Variants in GPR176 observed in about 807,000 individuals in gnomAD.
GPR176 encodes the protein G-protein coupled receptor 176.
In GPR176, 26 loss-of-function variants were observed where a neutral mutation model predicts 35.4. The ratio of observed to expected loss-of-function variants is 0.74; its 90% CI spans 0.54 to 1.02. The LOEUF (loss-of-function observed/expected upper bound fraction) is 1.02, where lower values mean the gene tolerates loss of function less well. GPR176 is among the 50% of genes least tolerant of loss of function. The pLI is 0.00. For missense variants in GPR176, 597 were observed against 665.3 expected (o/e 0.90, Z 1.13); for synonymous variants, 278 against 271.3 (o/e 1.02, Z -0.24).
At chr15:39,898,440 A>C (rs1270023526) in intron 1 of GPR176, among the ~76,000 whole-genome samples, 2 of 152,238 alleles carry the variant, frequency 1.3e-5, no homozygotes, top group Admixed American at 1.3e-4. Context: ...AATACATATA[A>C]GCAAAGAAAG....
chr15:39,884,735 C>A (rs561369893), intron 1 of GPR176, among the ~76,000 whole-genome samples: 1 of 152,136 alleles, frequency 6.6e-6, no homozygotes, highest in East Asian at 1.9e-4. Flanking sequence ...AAAAGACATG[C>A]CCCAGCTTTT....
intron 1 of GPR176, among the ~76,000 whole-genome samples, chr15:39,826,035 T>C (rs1374269555): frequency 6.6e-6 from 1 of 152,116 alleles, no homozygotes; most frequent in Admixed American, 6.6e-5. Flanking sequence ...TCACATCACA[T>C]TCACTGCCGT....
intron 2 of GPR176, among the ~76,000 whole-genome samples, chr15:39,806,431 G>A (rs191602007): frequency 9.9e-5 from 15 of 152,268 alleles, no homozygotes; most frequent in Admixed American, 7.8e-4. Context: ...TATGTAGAAT[G>A]GCAGTAACTA....
intron 1 of GPR176, chr15:39,862,125 T>A (rs1350963312): frequency 6.6e-6 from 1 of 152,198 alleles, no homozygotes; most frequent in Admixed American, 6.5e-5. Flanking sequence ...ACTCTCAGTG[T>A]TTGGTTGTTT....
At chr15:39,842,376 CT>C (rs757761106) in intron 1 of GPR176, among the ~76,000 whole-genome samples, 42 of 152,210 alleles carry the variant, frequency 2.8e-4, no homozygotes, top group Non-Finnish European at 1.0e-4. Flanking sequence ...GCGGATGGTG[CT>C]AAACCATTAG....
At chr15:39,815,226 G>A (rs970101502) in intron 1 of GPR176, 3 of 152,420 alleles carry the variant, frequency 2.0e-5, no homozygotes, top group South Asian at 2.1e-4. Flanking sequence ...GGGAGACAGA[G>A]GGCCTTGGGA....
At chr15:39,854,832 T>C (rs1165841284) in intron 1 of GPR176, among the ~76,000 whole-genome samples, 1 of 151,950 alleles carries the variant, frequency 6.6e-6, no homozygotes, top group Admixed American at 6.6e-5. Context: ...AGGCCAATAG[T>C]TCAAGACCAG....
chr15:39,907,112 T>A (rs918650859), intron 1 of GPR176, among the ~76,000 whole-genome samples: 2 of 152,208 alleles, frequency 1.3e-5, no homozygotes, highest in African/African-American at 4.8e-5. Flanking sequence ...AAGCCAGCCA[T>A]AAGACGCATC....
intron 1 of GPR176, among the ~76,000 whole-genome samples, chr15:39,904,981 C>T (rs2033379800): frequency 6.6e-6 from 1 of 152,192 alleles, no homozygotes; most frequent in Admixed American, 6.5e-5. Context: ...CCATCAGCAT[C>T]ATGTAAGCCT....
chr15:39,841,215 G>C (rs908866956), intron 1 of GPR176, among the ~76,000 whole-genome samples: 2 of 152,082 alleles, frequency 1.3e-5, no homozygotes, highest in African/African-American at 2.4e-5. Context: ...GCCCATTAAG[G>C]CTTGACAATG....
At chr15:39,854,004 T>C (rs2031044122) in intron 1 of GPR176, among the ~76,000 whole-genome samples, 1 of 152,102 alleles carries the variant, frequency 6.6e-6, no homozygotes, top group Non-Finnish European at 1.5e-5. Flanking sequence ...TTTGACACAG[T>C]AAACTGAGGT....
At chr15:39,900,858 G>A (rs1407952539) in intron 1 of GPR176, among the ~76,000 whole-genome samples, 1 of 152,156 alleles carries the variant, frequency 6.6e-6, no homozygotes, top group Non-Finnish European at 1.5e-5. Flanking sequence ...AAACTGCCAA[G>A]AACAGAATTA....
intron 1 of GPR176, among the ~76,000 whole-genome samples, chr15:39,890,473 C>A (rs1453669511): frequency 1.3e-5 from 2 of 152,194 alleles, no homozygotes; most frequent in Non-Finnish European, 2.9e-5. Context: ...AGGAGATACG[C>A]CTTAGGCGCA....
intron 1 of GPR176, among the ~76,000 whole-genome samples, chr15:39,887,709 T>C (rs2032723530): frequency 6.6e-6 from 1 of 151,818 alleles, no homozygotes. Flanking sequence ...GCTCAAATCA[T>C]ACCACCTATT....
intron 1 of GPR176, among the ~76,000 whole-genome samples, chr15:39,818,681 AT>A (rs1900074598): frequency 6.6e-6 from 1 of 152,218 alleles, no homozygotes; most frequent in African/African-American, 2.4e-5. Context: ...AAACAAAACT[AT>A]TTCAGCGACC....
intron 1 of GPR176, among the ~76,000 whole-genome samples, chr15:39,843,897 A>G (rs2030215583): frequency 1.3e-5 from 2 of 152,132 alleles, no homozygotes; most frequent in South Asian, 4.1e-4. Flanking sequence ...GGGGAGGCCT[A>G]TAAAGCTTAG....
intron 1 of GPR176, among the ~76,000 whole-genome samples, chr15:39,902,178 T>A (rs1373238622): frequency 6.6e-6 from 1 of 152,142 alleles, no homozygotes; most frequent in African/African-American, 2.4e-5. Flanking sequence ...TTTTGACAAG[T>A]GATTTTTATG....
intron 1 of GPR176, among the ~76,000 whole-genome samples, chr15:39,809,401 T>C (rs999166900): frequency 6.6e-6 from 1 of 152,190 alleles, no homozygotes; most frequent in Admixed American, 6.5e-5. Flanking sequence ...TGTGTGCGTG[T>C]GCATGTACAT....
Position 39,801,393 on chromosome 15 carries a change from G to A in GPR176, c.1287C>T (p.Asp429=). ...APSAPPLSTV[D]SVSQVAPAAP... The stretch of plus-strand genomic sequence containing the variant: ...CTGCCGGTGCCACCTGGGATACAGA[G>A]TCCACTGTGCTCAGGGGTGGGGCAG... Residue 429 remains aspartate, a synonymous_variant, in exon 3 of 3, where the codon GAC becomes GAT. Coordinates refer to ENST00000561100, the MANE Select transcript of GPR176 (RefSeq NM_007223.3). 1 of 1,614,216 alleles carries A rather than the reference G, an allele frequency of 6.2e-7. No homozygotes were observed. Among genetic ancestry groups the A allele is most frequent in the Non-Finnish European group, 8.5e-7 (1 of 1,180,034 alleles).
Sources: allele counts gnomAD v4.1 joint callset (sites outside exome capture counted in the v4.1 genomes callset), GRCh38; gene constraint gnomAD v4.1.1; transcripts MANE v1.5; gene names NCBI Gene and HGNC (gene_info 2026-07-23, HGNC 2026-07-21).